The following KCNN4 variants were observed in gnomAD, a reference collection of about 807,000 sequenced individuals.
The protein encoded by KCNN4 is potassium calcium-activated channel subfamily N member 4.
Under a neutral mutation model 45.2 loss-of-function variants are expected in KCNN4, and 31 were observed. The ratio of observed to expected loss-of-function variants is 0.69; its 90% CI spans 0.52 to 0.92. KCNN4 has a LOEUF of 0.92. KCNN4 is among the 40% of genes least tolerant of loss of function. The pLI is 0.00. For missense variants in KCNN4, 463 were observed against 574.0 expected (o/e 0.81, Z 1.98); for synonymous variants, 231 against 254.6 (o/e 0.91, Z 0.88).
intron 7 of KCNN4, among the ~76,000 whole-genome samples, chr19:43,768,125 G>A (rs939197538): frequency 1.3e-5 from 2 of 152,218 alleles, no homozygotes; most frequent in Non-Finnish European, 2.9e-5. Flanking sequence ...TGATCCCTGA[G>A]GGTTTGTGGA....
intron 1 of KCNN4, 27 bp from the exon 2 acceptor site, chr19:43,776,663 G>A (rs1343926713): frequency 2.0e-6 from 3 of 1,498,692 alleles, no homozygotes; most frequent in South Asian, 1.1e-5. Flanking sequence ...AAAAAGCGGT[G>A]TGAGATCCCA....
chr19:43,767,813 T>C (rs1969525825), intron 7 of KCNN4, 106 bp from the exon 8 acceptor site: 1 of 1,345,330 alleles, frequency 7.4e-7, no homozygotes. Flanking sequence ...TATGGTCCTC[T>C]GAGGATTACC....
At chr19:43,778,705 T>G (rs12463319) in intron 1 of KCNN4, among the ~76,000 whole-genome samples, 87,434 of 151,888 alleles carry the variant, frequency 0.58, 25,444 homozygotes, top group East Asian at 0.78. Context: ...TGTCTCTCTC[T>G]GTACCTCTCC....
At chr19:43,773,255 C>T (rs1159625943) in intron 3 of KCNN4, among the ~76,000 whole-genome samples, 4 of 152,222 alleles carry the variant, frequency 2.6e-5, no homozygotes, top group Non-Finnish European at 4.4e-5. Flanking sequence ...AGAGATTGTG[C>T]CACTGCACGC....
At position 43,780,831 on chromosome 19, in the gene KCNN4, C is replaced by T. The variant is rs1291887833; in HGVS notation, c.31G>A (p.Ala11Thr). MGGDLVLGLGALRRRKRLLEQ... is the reference protein window; with the variant it reads MGGDLVLGLGTLRRRKRLLEQ... ...AGCAAGCGCTTTCGGCGTCTCAAGG[C>T]CCCCAGGCCAAGCACCAGATCCCCG... Residue 11 changes from alanine (A) to threonine (T), a missense_variant, in exon 1 of 9, where the codon GCC becomes ACC. Physicochemically the swap from Ala to Thr is moderately conservative, Grantham distance 58. Transcript: ENST00000648319. 5 of 1,613,782 alleles carry T rather than the reference C, an allele frequency of 3.1e-6. No individual in the cohort carries two copies. The highest frequency in any genetic ancestry group is 2.2e-5 in the South Asian group (2 of 91,084).
chr19:43,772,151 G>T lies in KCNN4; in HGVS notation c.684-16C>A. 1 of 1,612,466 alleles carries T rather than the reference G, an allele frequency of 6.2e-7. No homozygotes were observed. Among genetic ancestry groups the T allele is most frequent in the Non-Finnish European group, 8.5e-7 (1 of 1,179,426 alleles). ...AACAGCCTGCCTATGGGGAAGGGTAGGTTAGTTCTAAAACCCCACCATAGA... is the reference window on the plus strand; with the variant it reads ...AACAGCCTGCCTATGGGGAAGGGTATGTTAGTTCTAAAACCCCACCATAGA... On this transcript the variant is annotated splice_polypyrimidine_tract_variant and intron_variant, in intron 3 of 8. Coordinates refer to ENST00000648319, the MANE Select transcript of KCNN4 (RefSeq NM_002250.3). This position sits in a 1 kb window ranked among gnomAD's most constrained non-coding sequence, Gnocchi z 4.4.
intron 1 of KCNN4, among the ~76,000 whole-genome samples, chr19:43,777,162 A>C (rs945941964): frequency 6.6e-6 from 1 of 152,142 alleles, no homozygotes; most frequent in Non-Finnish European, 1.5e-5. Flanking sequence ...TCTCCCCAAC[A>C]GGACAACCCT....
intron 4 of KCNN4, among the ~76,000 whole-genome samples, chr19:43,771,255 A>C: frequency 6.6e-6 from 1 of 152,094 alleles, no homozygotes; most frequent in East Asian, 1.9e-4. Context: ...GGGCAACAGG[A>C]GCTGGTGTGG....
At chr19:43,776,409 GT>G in intron 2 of KCNN4, 131 bp downstream of exon 2, 1 of 672,970 alleles carries the variant, frequency 1.5e-6, no homozygotes, top group South Asian at 1.7e-5. Flanking sequence ...GTAGGTGAGG[GT>G]GTGGACGCAG....
rs557069722 is a variant in KCNN4, at chr19:43,769,277, A to G, written c.1049+165T>C. The G allele has an allele frequency of 7.3e-6, 5 of 689,254 alleles. No individual in the cohort carries two copies. The highest frequency in any genetic ancestry group is 3.5e-5 in the African/African-American group (2 of 56,580). 42.7% of individuals were successfully genotyped at this position (689,254 alleles called of 1,614,324 possible). ...TGCGGAGACAAACCAGCACAGACAC[A>G]TAGAGTCATGCACGGTCAGATCCAG... is the stretch of plus-strand genomic sequence containing the variant. On this transcript the variant is annotated intron_variant, in intron 6 of 8. Coordinates refer to ENST00000648319, the MANE Select transcript of KCNN4 (RefSeq NM_002250.3). This position sits in a 1 kb window ranked among gnomAD's most constrained non-coding sequence, Gnocchi z 4.4.
chr19:43,774,571 C>A lies in KCNN4; in HGVS notation c.304G>T (p.Gly102Trp). 2.6e-6 allele frequency: 4 copies of A among 1,542,046 alleles called. No homozygotes were observed. Among genetic ancestry groups the A allele is most frequent in the Non-Finnish European group, 2.6e-6 (3 of 1,154,452 alleles). Residue 102 changes from glycine (G) to tryptophan (W), a missense_variant, in exon 3 of 9, where the codon GGG (glycine) becomes TGG (tryptophan). Gly to Trp is a radical substitution (Grantham distance 184). Transcript: ENST00000648319. This position sits in a 1 kb window ranked among gnomAD's most constrained non-coding sequence, Gnocchi z 5.6. ...AGCACGATCTGCGCCGCCTGCCGCC[C>A]GGTCAGCGCCACGCGCCAGTCCCGC... ...GLRDWRVALT[G>W]RQAAQIVLEL...
intron 1 of KCNN4, among the ~76,000 whole-genome samples, chr19:43,778,664 C>T (rs928319215): frequency 6.6e-6 from 1 of 152,168 alleles, no homozygotes; most frequent in African/African-American, 2.4e-5. Flanking sequence ...GTCTCCATCT[C>T]TCTTTTTCTC....
chr19:43,769,366 C>T lies in KCNN4; in HGVS notation c.1049+76G>A, dbSNP rs1410081941. 2.5e-6 allele frequency: 3 copies of T among 1,190,174 alleles called. No individual in the cohort carries two copies. The highest frequency in any genetic ancestry group is 1.5e-5 in the African/African-American group (1 of 67,204). The allele number at this position is 1,190,174 out of a possible 1,614,324, so 73.7% of individuals were successfully genotyped here. ...CCTGACCTGGACAGGCATGGACATG[C>T]ACACACACAGCCGTGCAGAGAGGTG... On this transcript the variant is annotated intron_variant, in intron 6 of 8. Coordinates refer to ENST00000648319, the MANE Select transcript of KCNN4 (RefSeq NM_002250.3). This position sits in a 1 kb window ranked among gnomAD's most constrained non-coding sequence, Gnocchi z 4.4.
Position 43,767,580 on chromosome 19 carries a change from G to C in KCNN4, c.1247C>G (p.Pro416Arg), listed in dbSNP as rs201058270. The stretch of plus-strand genomic sequence containing the variant: ...CTGGCTGGGTTCTGGAAGCTGCCTC[G>C]GCCCCAGGGCAGTGCTAAGCAGCTC... Reference protein sequence around the residue: ...LTELLSTALGPRQLPEPSQQS... With the variant: ...LTELLSTALGRRQLPEPSQQS... The change falls in exon 8 of 9, where the codon CCG (proline) becomes CGG (arginine). Residue 416 changes from proline (P) to arginine (R), a missense_variant. Transcript: ENST00000648319. 1.1e-5 allele frequency: 17 copies of C among 1,614,014 alleles called. No individual in the cohort carries two copies. Among genetic ancestry groups the C allele is most frequent in the Non-Finnish European group, 1.4e-5 (16 of 1,180,006 alleles).
Position 43,774,671 on chromosome 19 carries a change from T to G in KCNN4, c.256-52A>C, listed in dbSNP as rs998011232. 2.1e-6 allele frequency: 3 copies of G among 1,427,028 alleles called. No homozygotes were observed. The African/African-American group carries it at 4.5e-5, about 21-fold the overall frequency. The allele number at this position is 1,427,028 out of a possible 1,614,324, so 88.4% of individuals were successfully genotyped here. A position where few individuals can be genotyped will look rare whatever the true frequency, so the allele number is the denominator to read the frequency against. ...GGGTCAGGAGCAGGTCAGGCGCAGG[T>G]CAGGCGGCGGCCCGCGCCTGCCTGC... On this transcript the variant is annotated intron_variant, in intron 2 of 8. Transcript: ENST00000648319. This position sits in a 1 kb window ranked among gnomAD's most constrained non-coding sequence, Gnocchi z 5.6.
intron 7 of KCNN4, 38 bp downstream of exon 7, chr19:43,768,925 C>T (rs746681205): frequency 1.9e-6 from 3 of 1,608,566 alleles, no homozygotes; most frequent in Non-Finnish European, 2.6e-6. Flanking sequence ...CCCCAACCTC[C>T]CCCTTCTTCA....
intron 4 of KCNN4, among the ~76,000 whole-genome samples, chr19:43,771,032 A>G (rs1427274223): frequency 6.6e-6 from 1 of 152,104 alleles, no homozygotes; most frequent in African/African-American, 2.4e-5. Flanking sequence ...CTAGGCCCAC[A>G]TCTGGGCTAG....
At position 43,776,533 on chromosome 19, in the gene KCNN4, T is replaced by C. The variant is rs771455859; in HGVS notation, c.255+8A>G. On this transcript the variant is annotated splice_region_variant and intron_variant, in intron 2 of 8. Transcript: ENST00000648319. ...GGGAGCAAGGCTTAGGGGCGGGGCC[T>C]GCCCTACCTGGACCTCTTTGGCATG... is the stretch of plus-strand genomic sequence containing the variant. 5 of 1,600,522 alleles carry C rather than the reference T, an allele frequency of 3.1e-6. No homozygotes were observed. The South Asian group carries it at 5.5e-5, about 18-fold the overall frequency.
At chr19:43,770,009 G>C (rs896362125) in intron 4 of KCNN4, among the ~76,000 whole-genome samples, 180 bp from the exon 5 acceptor site, 1 of 152,066 alleles carries the variant, frequency 6.6e-6, no homozygotes, top group African/African-American at 2.4e-5. Context: ...AATCGCATAC[G>C]TCCGAGCCCA....
Sources: gnomAD v4.1 joint callset for allele counts (sites outside exome capture counted in the v4.1 genomes callset) on GRCh38, gnomAD v4.1.1 for gene constraint, Gnocchi (gnomAD v3.1) non-coding constraint, MANE v1.5 for transcripts, NCBI Gene and HGNC (gene_info 2026-07-23, HGNC 2026-07-21) for gene names.